ALDH1L1: variants seen among roughly 807,000 people sequenced by gnomAD.
The protein encoded by ALDH1L1 is aldehyde dehydrogenase 1 family member L1.
Under a neutral mutation model 101.1 loss-of-function variants are expected in ALDH1L1, and 68 were observed. That is an observed-to-expected ratio of 0.67 (90% confidence interval 0.55 to 0.82). ALDH1L1 has a LOEUF of 0.82. Among genes scored for constraint, ALDH1L1 ranks in the 40% least tolerant of loss-of-function variants. The pLI is 0.00. For missense variants in ALDH1L1, 1,087 were observed against 1,172.7 expected, an observed-to-expected ratio of 0.93 and a Z score of 1.07; for synonymous variants, 486 against 470.8, an observed-to-expected ratio of 1.03 and a Z score of -0.42.
intron 1 of ALDH1L1, among the ~76,000 whole-genome samples, chr3:126,193,448 T>A (rs933496033): frequency 2.0e-5 from 3 of 152,162 alleles, no homozygotes; most frequent in Non-Finnish European, 4.4e-5. Flanking sequence ...TTTGTTTTTT[T>A]AAAAAAATCC....
chr3:126,125,793 C>T, intron 14 of ALDH1L1, 72 bp from the exon 15 acceptor site: 1 of 1,119,066 alleles, frequency 8.9e-7, no homozygotes, highest in Admixed American at 3.1e-5. Context: ...CAATTCCCTC[C>T]ACCTCACCCA....
intron 16 of ALDH1L1, among the ~76,000 whole-genome samples, chr3:126,118,541 TC>T (rs2080019595): frequency 6.6e-6 from 1 of 151,958 alleles, no homozygotes; most frequent in Admixed American, 6.6e-5. Context: ...ATCTTGGACT[TC>T]CAGCCTCCAG....
intron 19 of ALDH1L1, among the ~76,000 whole-genome samples, chr3:126,110,499 A>C (rs1191725045): frequency 6.6e-6 from 1 of 152,196 alleles, no homozygotes; most frequent in Non-Finnish European, 1.5e-5. Flanking sequence ...GGGGGACTCC[A>C]GGATGTGCGG....
intron 11 of ALDH1L1, among the ~76,000 whole-genome samples, 159 bp downstream of exon 11, chr3:126,136,605 G>A (rs974037433): frequency 6.6e-6 from 1 of 152,046 alleles, no homozygotes; most frequent in Non-Finnish European, 1.5e-5. Context: ...CTCCAGTAAG[G>A]TGGGCTGGAA....
At chr3:126,183,247 A>G (rs1460169096), upstream of ALDH1L1, among the ~76,000 whole-genome samples, 1 of 152,226 alleles carries the variant, frequency 6.6e-6, no homozygotes, top group East Asian at 1.9e-4. Flanking sequence ...CTTTTCTCAA[A>G]GAGATGTGTG....
chr3:126,148,589 AG>A (rs1002186584), intron 8 of ALDH1L1, among the ~76,000 whole-genome samples: 1 of 152,166 alleles, frequency 6.6e-6, no homozygotes, highest in Non-Finnish European at 1.5e-5. Context: ...CGATGGCCTT[AG>A]GGGGCTGCAC....
At chr3:126,148,784 T>C (rs914422254) in intron 8 of ALDH1L1, among the ~76,000 whole-genome samples, 1 of 152,164 alleles carries the variant, frequency 6.6e-6, no homozygotes, top group Non-Finnish European at 1.5e-5. Flanking sequence ...GGTGAACAAA[T>C]GCAAACCTGA....
intron 8 of ALDH1L1, among the ~76,000 whole-genome samples, chr3:126,147,814 G>A (rs2080726248): frequency 6.6e-6 from 1 of 152,078 alleles, no homozygotes; most frequent in Admixed American, 6.5e-5. Context: ...TTGGAAAAAT[G>A]TCATGGATCT....
At chr3:126,179,163 C>T (rs1393511031) in intron 1 of ALDH1L1, among the ~76,000 whole-genome samples, 1 of 152,238 alleles carries the variant, frequency 6.6e-6, no homozygotes, top group African/African-American at 2.4e-5. Context: ...TCCAGGCCTC[C>T]ACCTCCTCCC....
chr3:126,177,908 G>T (rs954275007), intron 1 of ALDH1L1, among the ~76,000 whole-genome samples: 2 of 152,080 alleles, frequency 1.3e-5, no homozygotes, highest in African/African-American at 4.8e-5. Context: ...AGCTGGGCAT[G>T]GTGGTGCACC....
upstream of ALDH1L1, among the ~76,000 whole-genome samples, chr3:126,183,594 G>C (rs1271698318): frequency 6.6e-6 from 1 of 152,168 alleles, no homozygotes; most frequent in Non-Finnish European, 1.5e-5. Context: ...ACCCGCCCAG[G>C]AAGATTTTAG....
chr3:126,169,105 A>T (rs1159889446), intron 1 of ALDH1L1, among the ~76,000 whole-genome samples: 2 of 152,232 alleles, frequency 1.3e-5, no homozygotes, highest in African/African-American at 4.8e-5. Flanking sequence ...AATGTTTATA[A>T]ATATCAAGCA....
intron 22 of ALDH1L1, chr3:126,104,900 T>C (rs1232994999): frequency 1.3e-5 from 2 of 153,330 alleles, no homozygotes; most frequent in South Asian, 2.1e-4. Flanking sequence ...AGACAGCATA[T>C]GGCTTCCCCG....
intron 9 of ALDH1L1, among the ~76,000 whole-genome samples, chr3:126,143,504 G>C (rs979753169): frequency 1.3e-5 from 2 of 152,122 alleles, no homozygotes; most frequent in Non-Finnish European, 2.9e-5. Flanking sequence ...ATTGACCATG[G>C]GTAACTTAAA....
At position 126,145,719 on chromosome 3, in the gene ALDH1L1, T is replaced by C. The variant is rs141729462; in HGVS notation, c.1076+1116A>G. Among the ~76,000 whole-genome samples, 51 of 152,292 alleles carry C rather than the reference T, an allele frequency of 3.3e-4. 1 individual carries two copies. The East Asian group carries it at 8.9e-3, about 26-fold the overall frequency. On this transcript the variant is annotated intron_variant, in intron 9 of 22. Transcript: ENST00000393434. ...CTGTTCAACGGACAGAAAGGTTTAG[T>C]TGTGCGAGAAAAAGTTCTAAAGATC... is the stretch of plus-strand genomic sequence containing the variant.
upstream of ALDH1L1, among the ~76,000 whole-genome samples, chr3:126,184,514 G>A (rs573387419): frequency 3.3e-5 from 5 of 152,238 alleles, no homozygotes; most frequent in South Asian, 2.1e-4. Flanking sequence ...AGAGGCACCT[G>A]CAGTGACAGT....
chr3:126,127,006 T>C (rs1355853670), intron 14 of ALDH1L1, among the ~76,000 whole-genome samples: 1 of 152,178 alleles, frequency 6.6e-6, no homozygotes, highest in Non-Finnish European at 1.5e-5. Flanking sequence ...AGCCACCAGA[T>C]GCCAGAAGAG....
At chr3:126,174,516 TACA>T (rs949504242) in intron 1 of ALDH1L1, among the ~76,000 whole-genome samples, 2 of 152,056 alleles carry the variant, frequency 1.3e-5, no homozygotes, top group Admixed American at 1.3e-4. Flanking sequence ...CCATAAAACA[TACA>T]ACAACAAATA....
Position 126,109,306 on chromosome 3 carries a change from C to T in ALDH1L1, c.2347+638G>A, listed in dbSNP as rs773767743. Among the ~76,000 whole-genome samples, 65 of 152,160 alleles carry T rather than the reference C, an allele frequency of 4.3e-4. 1 individual carries two copies. Among genetic ancestry groups the T allele is most frequent in the Admixed American group, 2.6e-4 (4 of 15,276 alleles). On this transcript the variant is annotated intron_variant, in intron 20 of 22. Transcript: ENST00000393434. ...TGCTGCGCTTCTGGCCTGGACTGCT[C>T]GATCAGACAGAGGGTCCTGGAGCAG... is the stretch of plus-strand genomic sequence containing the variant.
Sources: allele counts gnomAD v4.1 joint callset (sites outside exome capture counted in the v4.1 genomes callset), GRCh38; gene constraint gnomAD v4.1.1; transcripts MANE v1.5; gene names NCBI Gene and HGNC (gene_info 2026-07-23, HGNC 2026-07-21).